The following ZGRF1 variants were observed in gnomAD, a reference collection of about 807,000 sequenced individuals.
ZGRF1 encodes 5'-3' DNA helicase ZGRF1.
A neutral mutation model predicts 203.5 loss-of-function variants in ZGRF1; 196 were observed. That is an observed-to-expected ratio of 0.96 (90% CI 0.86 to 1.08). The LOEUF (loss-of-function observed/expected upper bound fraction) is 1.08, where lower values mean the gene tolerates loss of function less well. ZGRF1 is among the 50% of genes least tolerant of loss of function. The pLI is 0.00. For synonymous variants in ZGRF1, 809 were observed against 841.3 expected (o/e 0.96, Z 0.66); for missense variants, 2,326 against 2,416.3 (o/e 0.96, Z 0.78).
At chr4:112,565,429 T>TAAAA in intron 16 of ZGRF1, 4 of 368,186 alleles carry the variant, frequency 1.1e-5, no homozygotes, top group East Asian at 4.8e-5. Context: ...CATTTCATTC[T>TAAAA]CAAAAAAAAA....
Position 112,589,668 on chromosome 4 carries a change from A to G in ZGRF1, c.3127+56T>C, listed in dbSNP as rs765248036. The G allele has an allele frequency of 2.0e-6, 3 of 1,487,722 alleles. No individual in the cohort carries two copies. In the African/African-American group the frequency reaches 4.2e-5, roughly 21 times the overall value. The allele number at this position is 1,487,722 out of a possible 1,614,324, so 92.2% of individuals were successfully genotyped here. ...TATTTAGTGTAATAATCTCTCAAAT[A>G]AAAAACTTCATCTTAAATGAATAGA... On this transcript the variant is annotated intron_variant, in intron 11 of 27. Coordinates refer to ENST00000505019, the MANE Select transcript of ZGRF1 (RefSeq NM_018392.5).
At chr4:112,616,932 T>A (rs1008177238) in intron 6 of ZGRF1, among the ~76,000 whole-genome samples, 3 of 152,104 alleles carry the variant, frequency 2.0e-5, no homozygotes, top group African/African-American at 7.2e-5. Context: ...GAACTCACTT[T>A]TTTAAAAAAA....
intron 13 of ZGRF1, 105 bp from the exon 14 acceptor site, chr4:112,585,830 T>C (rs976302147): frequency 4.3e-5 from 28 of 649,276 alleles, no homozygotes; most frequent in Non-Finnish European, 6.0e-5. Context: ...TTAAACAGAG[T>C]CATATAATAG....
chr4:112,580,443 A>C (rs926696335), intron 16 of ZGRF1, among the ~76,000 whole-genome samples: 2 of 149,604 alleles, frequency 1.3e-5, no homozygotes, highest in Non-Finnish European at 3.0e-5. Flanking sequence ...TAATTAAACT[A>C]AAGAGCTTCT....
chr4:112,578,642 C>A lies in ZGRF1; in HGVS notation c.4438+3021G>T, dbSNP rs1462751264. Among the ~76,000 whole-genome samples, 24 of 123,240 alleles carry A rather than the reference C, an allele frequency of 1.9e-4. 7 individuals are homozygous for A. The highest frequency in any genetic ancestry group is 6.8e-4 in the African/African-American group (24 of 35,534). 80.9% of individuals were successfully genotyped at this position (123,240 alleles called of 152,430 possible). ...CTACCATCAAAGAATACTATAAACA[C>A]CTCTACGCAAATAAACTAGAACATC... On this transcript the variant is annotated intron_variant, in intron 16 of 27. Coordinates refer to ENST00000505019, the MANE Select transcript of ZGRF1 (RefSeq NM_018392.5).
chr4:112,616,695 G>A (rs1360074035), intron 6 of ZGRF1, among the ~76,000 whole-genome samples: 2 of 151,148 alleles, frequency 1.3e-5, no homozygotes, highest in Non-Finnish European at 2.9e-5. Context: ...CAATTAGCTG[G>A]GCGTGGTCGT....
intron 16 of ZGRF1, among the ~76,000 whole-genome samples, chr4:112,576,813 G>A (rs1042653128): frequency 6.6e-6 from 1 of 152,078 alleles, no homozygotes; most frequent in Non-Finnish European, 1.5e-5. Context: ...TGGTGTACCT[G>A]AAAGTGACAG....
chr4:112,548,703 T>G (rs1739317573), intron 22 of ZGRF1, among the ~76,000 whole-genome samples: 2 of 151,386 alleles, frequency 1.3e-5, no homozygotes, highest in Non-Finnish European at 2.9e-5. Context: ...ATCTTCTAGA[T>G]GAGGTTAGAC....
At chr4:112,544,162 G>T (rs928701377) in intron 24 of ZGRF1, among the ~76,000 whole-genome samples, 1 of 152,012 alleles carries the variant, frequency 6.6e-6, no homozygotes, top group Non-Finnish European at 1.5e-5. Flanking sequence ...TTTGCAAAAC[G>T]GAATACAATT....
At chr4:112,605,659 T>C (rs1369868479) in intron 9 of ZGRF1, 2 of 212,766 alleles carry the variant, frequency 9.4e-6, no homozygotes, top group Non-Finnish European at 1.8e-5. Flanking sequence ...AGTGGCAGAA[T>C]AGACTATAAT....
chr4:112,593,522 T>C (rs957744418), intron 10 of ZGRF1, among the ~76,000 whole-genome samples: 3 of 152,218 alleles, frequency 2.0e-5, no homozygotes, highest in Non-Finnish European at 2.9e-5. Flanking sequence ...AATCAAAGTT[T>C]TGATTTTATT....
In ZGRF1 at chr4:112,619,210, A is replaced by T. The variant is rs2046985505; in HGVS notation, c.832T>A (p.Phe278Ile). The T allele has an allele frequency of 1.9e-6, 3 of 1,613,292 alleles. No individual in the cohort carries two copies. Among genetic ancestry groups the T allele is most frequent in the South Asian group, 1.1e-5 (1 of 91,066 alleles). Reference sequence around the variant, plus strand: ...CTTCCTTGTGGTTGTTTTTGAGGAAAATGCTCTGTCATCTCAGAATTTAGT... The same window carrying T: ...CTTCCTTGTGGTTGTTTTTGAGGAATATGCTCTGTCATCTCAGAATTTAGT... The part of the protein sequence containing the change: ...EELNSEMTEH[F>I]PQKQPQGSLK... Residue 278 changes from phenylalanine to isoleucine, a missense_variant, in exon 6 of 28, where the codon TTT (phenylalanine) becomes ATT (isoleucine). Physicochemically the swap from Phe to Ile is conservative, Grantham distance 21 (BLOSUM62 0). Transcript: ENST00000505019.
chr4:112,604,274 A>G (rs1316289151), intron 9 of ZGRF1, among the ~76,000 whole-genome samples: 1 of 152,070 alleles, frequency 6.6e-6, no homozygotes, highest in Non-Finnish European at 1.5e-5. Context: ...CAAATGAATA[A>G]GTATAATTTT....
intron 6 of ZGRF1, among the ~76,000 whole-genome samples, chr4:112,616,500 G>A (rs1348190545): frequency 6.7e-6 from 1 of 149,578 alleles, no homozygotes; most frequent in Non-Finnish European, 1.5e-5. Context: ...ACTCCAGCCT[G>A]GGTGACAGAG....
Position 112,587,825 on chromosome 4 carries a change from G to A in ZGRF1, c.3232C>T (p.Pro1078Ser). The stretch of plus-strand genomic sequence containing the variant: ...ATATACGAATGAGAGTCTAAGTCAG[G>A]TGGCCCATCAGTACGTGGCAAAGTA... ...LITLPRTDGP[P>S]DLDSHSYMIN... Residue 1078 changes from proline (P) to serine (S), a missense_variant, in exon 12 of 28, where the codon CCT (proline) becomes TCT (serine). Transcript: ENST00000505019. 6.4e-7 allele frequency: 1 copy of A among 1,551,700 alleles called. No individual in the cohort carries two copies. The highest frequency in any genetic ancestry group is 1.2e-5 in the South Asian group (1 of 84,102).
At chr4:112,609,511 T>C in intron 7 of ZGRF1, 82 bp from the exon 8 acceptor site, 1 of 601,408 alleles carries the variant, frequency 1.7e-6, no homozygotes, top group East Asian at 5.1e-5. Context: ...CTATTAGACT[T>C]AAGAAATACT....
chr4:112,584,586 A>G (rs549174823), intron 14 of ZGRF1, among the ~76,000 whole-genome samples: 51 of 152,276 alleles, frequency 3.3e-4, no homozygotes, highest in Non-Finnish European at 6.3e-4. Context: ...CAGATGATAC[A>G]TTTTCTACTC....
rs530631491 is a variant in ZGRF1, at chr4:112,612,434, C to T, written c.2667+90G>A. On this transcript the variant is annotated intron_variant, in intron 7 of 27. Transcript: ENST00000505019. ...CAGCAGGAGTCATGAACCAAGATAG[C>T]TTGGGACTGTATTACTATAATTCTA... The T allele has an allele frequency of 4.2e-4, 346 of 819,602 alleles. 2 individuals carry two copies. In the African/African-American group the frequency reaches 5.7e-3, roughly 14 times the overall value. 50.8% of individuals were successfully genotyped at this position (819,602 alleles called of 1,614,324 possible).
chr4:112,546,838 C>A (rs536927768), intron 24 of ZGRF1: 1 of 152,558 alleles, frequency 6.6e-6, no homozygotes, highest in South Asian at 2.1e-4. Context: ...AGGTCTTAGA[C>A]TTCTCAGCCT....
Sources: gnomAD v4.1 joint callset for allele counts (sites outside exome capture counted in the v4.1 genomes callset) on GRCh38, gnomAD v4.1.1 for gene constraint, MANE v1.5 for transcripts, NCBI Gene and HGNC (gene_info 2026-07-23, HGNC 2026-07-21) for gene names.